The following SAMD5 variants were observed in gnomAD, a reference collection of about 807,000 sequenced individuals.
SAMD5 encodes the protein sterile alpha motif domain-containing protein 5.
In SAMD5, 13 loss-of-function variants were observed where a neutral mutation model predicts 11.3. The observed-to-expected ratio is 1.15, with a 90% confidence interval of 0.75 to 1.83. The LOEUF is 1.83. Ranked by LOEUF, SAMD5 falls within the 40% of genes most tolerant of loss-of-function variation. The pLI, the probability that SAMD5 is intolerant of heterozygous loss-of-function variation, is 0.00. For missense variants in SAMD5, 255 were observed against 239.1 expected (o/e 1.07, Z -0.44); for synonymous variants, 129 against 111.3 (o/e 1.16, Z -1.00).
At chr6:147,921,908 A>G in the SAMD5 span, among the ~76,000 whole-genome samples, 2 of 152,306 alleles carry the variant, frequency 1.3e-5, no homozygotes, top group Middle Eastern at 3.4e-3. Flanking sequence ...GAAAAACAAT[A>G]CAAAGTTAAA....
chr6:147,717,973 A>T (rs1426522459), intron 1 of SAMD5, among the ~76,000 whole-genome samples: 2 of 152,164 alleles, frequency 1.3e-5, no homozygotes, highest in Admixed American at 6.5e-5. Context: ...TAAAACTGGG[A>T]TTTTCTAAGT....
At chr6:147,854,428 A>G in the SAMD5 span, among the ~76,000 whole-genome samples, 1 of 152,184 alleles carries the variant, frequency 6.6e-6, no homozygotes, top group South Asian at 2.1e-4. Flanking sequence ...ATCTCTGTTT[A>G]AGAGGAAAAA....
chr6:147,731,421 G>C (rs1404942138), intron 1 of SAMD5, among the ~76,000 whole-genome samples: 2 of 152,146 alleles, frequency 1.3e-5, no homozygotes, highest in Non-Finnish European at 2.9e-5. Context: ...TTAACTCAGA[G>C]AGGAATGCTC....
chr6:147,737,002 A>G (rs976289555), intron 1 of SAMD5, among the ~76,000 whole-genome samples: 9 of 152,182 alleles, frequency 5.9e-5, no homozygotes, highest in African/African-American at 2.2e-4. Context: ...AAAAACAAAG[A>G]TAAATCAACA....
chr6:147,842,445 ATTG>A, the SAMD5 span, among the ~76,000 whole-genome samples: 1 of 151,500 alleles, frequency 6.6e-6, no homozygotes, highest in East Asian at 1.9e-4. Context: ...GAAACAGCTA[ATTG>A]TTGTAATGCT....
At chr6:147,755,650 C>T in the SAMD5 span, among the ~76,000 whole-genome samples, 1 of 152,106 alleles carries the variant, frequency 6.6e-6, no homozygotes, top group African/African-American at 2.4e-5. Context: ...TTTCCCACTA[C>T]TAATACTAAT....
chr6:147,751,296 C>A, the SAMD5 span, among the ~76,000 whole-genome samples: 1 of 152,170 alleles, frequency 6.6e-6, no homozygotes, highest in Non-Finnish European at 1.5e-5. Context: ...TTATCTTTCA[C>A]CCGTTTAACA....
the SAMD5 span, among the ~76,000 whole-genome samples, chr6:147,863,838 C>CTTTTT: frequency 4.4e-5 from 4 of 90,874 alleles, no homozygotes; most frequent in Non-Finnish European, 8.7e-5. Flanking sequence ...TTTCTTTCCA[C>CTTTTT]TTTTTTTTTT....
At chr6:147,918,318 C>T in the SAMD5 span, among the ~76,000 whole-genome samples, 19 of 152,110 alleles carry the variant, frequency 1.2e-4, no homozygotes, top group Admixed American at 5.9e-4. Flanking sequence ...TTATTCTCTT[C>T]GAAGCAGTTG....
intron 1 of SAMD5, among the ~76,000 whole-genome samples, chr6:147,591,262 A>G (rs368752627): frequency 1.3e-5 from 2 of 152,188 alleles, no homozygotes; most frequent in South Asian, 4.1e-4. Flanking sequence ...CTCTTCAACC[A>G]TGATGGTTTC....
At chr6:147,622,301 G>T (rs181005705) in intron 1 of SAMD5, among the ~76,000 whole-genome samples, 1 of 152,292 alleles carries the variant, frequency 6.6e-6, no homozygotes, top group Non-Finnish European at 1.5e-5. Flanking sequence ...ACTTAATACA[G>T]TGCAGATGCT....
intron 1 of SAMD5, among the ~76,000 whole-genome samples, chr6:147,546,390 T>C: frequency 6.6e-6 from 1 of 151,880 alleles, no homozygotes. Context: ...ATTTACCTGG[T>C]GTGGTGGCGC....
the SAMD5 span, among the ~76,000 whole-genome samples, chr6:147,777,319 A>C: frequency 5.3e-5 from 8 of 152,138 alleles, no homozygotes; most frequent in African/African-American, 1.9e-4. Context: ...TTATGTTAAT[A>C]ATATAAGGGT....
chr6:147,529,769 G>A (rs1347833738), intron 1 of SAMD5, among the ~76,000 whole-genome samples: 1 of 152,024 alleles, frequency 6.6e-6, no homozygotes, highest in African/African-American at 2.4e-5. Flanking sequence ...ACTCATTTTA[G>A]AACATTTTTA....
intron 1 of SAMD5, among the ~76,000 whole-genome samples, chr6:147,701,779 G>T (rs1353592987): frequency 1.3e-5 from 2 of 152,108 alleles, no homozygotes; most frequent in African/African-American, 2.4e-5. Context: ...CCCTTAATAT[G>T]CTTGCCAAAC....
intron 1 of SAMD5, among the ~76,000 whole-genome samples, chr6:147,551,820 A>ATATATATATATATGT: frequency 1.6e-5 from 1 of 64,028 alleles, no homozygotes; most frequent in Middle Eastern, 7.7e-3. Flanking sequence ...TGTTATATAT[A>ATATATATATATATGT]TATATATATA....
chr6:147,783,163 C>T, the SAMD5 span, among the ~76,000 whole-genome samples: 1 of 151,880 alleles, frequency 6.6e-6, no homozygotes, highest in Admixed American at 6.6e-5. Context: ...TTTTGTGTGA[C>T]CTAAATATTA....
chr6:147,623,865 T>A (rs1348451567), intron 1 of SAMD5, among the ~76,000 whole-genome samples: 2 of 152,228 alleles, frequency 1.3e-5, no homozygotes, highest in African/African-American at 4.8e-5. Flanking sequence ...TTAGTCTTTT[T>A]TTTTATTTTT....
chr6:147,693,150 G>T (rs77710623), intron 1 of SAMD5, among the ~76,000 whole-genome samples: 17,004 of 152,256 alleles, frequency 0.11, 1,040 homozygotes, highest in Middle Eastern at 0.15. Context: ...GAGAGCACGA[G>T]CACCTGTCTG....
Sources: gnomAD v4.1 joint callset for allele counts (sites outside exome capture counted in the v4.1 genomes callset) on GRCh38, gnomAD v4.1.1 for gene constraint, MANE v1.5 for transcripts, NCBI Gene and HGNC (gene_info 2026-07-23, HGNC 2026-07-21) for gene names.